AP3D1: variants seen among roughly 807,000 people sequenced by gnomAD.
The protein encoded by AP3D1 is AP-3 complex subunit delta-1.
In AP3D1, 51 loss-of-function variants were observed where a neutral mutation model predicts 147.6. That is an observed-to-expected ratio of 0.35 (90% CI 0.28 to 0.44). The LOEUF is 0.44. Ranked by LOEUF, AP3D1 falls within the 20% of genes least tolerant of loss-of-function variation. The probability of loss-of-function intolerance (pLI) is 1.00; values close to 1 mark genes in which losing one functional copy is unlikely to be tolerated. For synonymous variants in AP3D1, 760 were observed against 663.0 expected, an observed-to-expected ratio of 1.15 and a Z score of -2.25; for missense variants, 1,421 against 1,624.2, an observed-to-expected ratio of 0.87 and a Z score of 2.15.
Position 2,110,763 on chromosome 19 carries a change from C to A in AP3D1, c.3119G>T (p.Arg1040Leu). The A allele has an allele frequency of 2.5e-6, 4 of 1,612,118 alleles. No individual in the cohort carries two copies. Among genetic ancestry groups the A allele is most frequent in the Non-Finnish European group, 3.4e-6 (4 of 1,179,744 alleles). Residue 1040 changes from arginine (R) to leucine (L), a missense_variant, in exon 27 of 32, where the codon CGG (arginine) becomes CTG (leucine). Physicochemically the swap from Arg to Leu is moderately radical, Grantham distance 102 (BLOSUM62 -2). Transcript: ENST00000643116. Reference protein sequence around the residue: ...VLDSLNARMARPQGSSVHDGV... With the variant: ...VLDSLNARMALPQGSSVHDGV... ...ATCGTGGACGGAGGAGCCCTGCGGCCGGGCCATCCTGGCATTGAGTGAGTC... is the reference window on the plus strand; with the variant it reads ...ATCGTGGACGGAGGAGCCCTGCGGCAGGGCCATCCTGGCATTGAGTGAGTC...
intron 4 of AP3D1, among the ~76,000 whole-genome samples, chr19:2,135,341 G>C (rs1021679546): frequency 6.6e-6 from 1 of 152,142 alleles, no homozygotes; most frequent in African/African-American, 2.4e-5. Context: ...TTCAAGACCA[G>C]CCTGGCCAAC....
At chr19:2,123,483 A>G (rs377412052) in intron 10 of AP3D1, 77 bp from the exon 11 acceptor site, 13 of 1,496,776 alleles carry the variant, frequency 8.7e-6, no homozygotes, top group Admixed American at 5.4e-5. Flanking sequence ...TCCAGATTCA[A>G]CCTCAACCTG....
intron 25 of AP3D1, 172 bp from the exon 26 acceptor site, chr19:2,111,504 C>G (rs1329076353): frequency 8.3e-7 from 1 of 1,202,718 alleles, no homozygotes; most frequent in East Asian, 2.6e-5. Context: ...CACAGCCCAC[C>G]ACGGGGGTGC....
chr19:2,124,442 TCA>T (rs2018696022), intron 9 of AP3D1, among the ~76,000 whole-genome samples: 1 of 152,042 alleles, frequency 6.6e-6, no homozygotes. Flanking sequence ...AAGCCGACCC[TCA>T]GAGCCCCAGC....
chr19:2,122,186 G>T (rs2145073372), intron 11 of AP3D1, among the ~76,000 whole-genome samples: 1 of 148,756 alleles, frequency 6.7e-6, no homozygotes, highest in African/African-American at 2.5e-5. Context: ...CCAGTGCAGG[G>T]AAGAACGCAG....
intron 24 of AP3D1, 147 bp from the exon 25 acceptor site, chr19:2,111,975 T>C: frequency 7.6e-7 from 1 of 1,315,332 alleles, no homozygotes; most frequent in Non-Finnish European, 1.0e-6. Context: ...GCCTCAGGCC[T>C]ACCGGGACAA....
chr19:2,132,825 C>A (rs532270902), intron 4 of AP3D1, among the ~76,000 whole-genome samples: 3 of 152,306 alleles, frequency 2.0e-5, no homozygotes, highest in South Asian at 2.1e-4. Context: ...ATGGGCGCGG[C>A]TGGGAACAGT....
chr19:2,122,669 G>A (rs566831588), intron 11 of AP3D1, among the ~76,000 whole-genome samples: 26 of 152,352 alleles, frequency 1.7e-4, no homozygotes, highest in African/African-American at 5.1e-4. Context: ...ACACGGTCAC[G>A]AAAGGTATGT....
intron 5 of AP3D1, among the ~76,000 whole-genome samples, chr19:2,130,873 G>A (rs895840695): frequency 1.2e-4 from 18 of 152,236 alleles, no homozygotes; most frequent in African/African-American, 4.3e-4. Context: ...GCTCCTCACG[G>A]CTGTGCCCTG....
rs573913263 is a variant in AP3D1, at chr19:2,115,781, C to T, written c.2074-168G>A. Among the ~76,000 whole-genome samples, 100 of 152,376 alleles carry T rather than the reference C, an allele frequency of 6.6e-4. 1 individual carries two copies. Among genetic ancestry groups the T allele is most frequent in the Middle Eastern group, 3.4e-3 (1 of 294 alleles). ...GCCGTGAGCGAGCGCATCCCGAGGA[C>T]CCGACTCTTTAAGACAGTGAGGACT... On this transcript the variant is annotated intron_variant, in intron 18 of 31. Coordinates refer to ENST00000643116, the MANE Select transcript of AP3D1 (RefSeq NM_001261826.3).
intron 18 of AP3D1, 62 bp downstream of exon 18, chr19:2,116,145 G>A (rs894062864): frequency 5.1e-5 from 78 of 1,533,100 alleles, no homozygotes; most frequent in Admixed American, 3.7e-4. Context: ...GATGGATGCC[G>A]CGGGGCTCGG....
chr19:2,115,782 C>T (rs1253168987), intron 18 of AP3D1, among the ~76,000 whole-genome samples, 169 bp from the exon 19 acceptor site: 1 of 152,258 alleles, frequency 6.6e-6, no homozygotes, highest in Non-Finnish European at 1.5e-5. Context: ...TCCCGAGGAC[C>T]CGACTCTTTA....
At chr19:2,108,157 C>T (rs2018164006) in intron 31 of AP3D1, among the ~76,000 whole-genome samples, 1 of 152,194 alleles carries the variant, frequency 6.6e-6, no homozygotes, top group South Asian at 2.1e-4. Context: ...TCTGATGAAG[C>T]CACTGGATGA....
At position 2,137,943 on chromosome 19, in the gene AP3D1, G is replaced by A. The variant is rs188709182; in HGVS notation, c.193-136C>T. 1.5e-3 allele frequency: 861 copies of A among 577,538 alleles called. 4 individuals are homozygous for A. Among genetic ancestry groups the A allele is most frequent in the Non-Finnish European group, 2.1e-3 (665 of 322,486 alleles). 35.8% of individuals were successfully genotyped at this position (577,538 alleles called of 1,614,324 possible). Reference sequence around the variant, plus strand: ...TCACTGTCAGCAAACCACCCAATACGTACCCCTGGGGCCTTTAATTTCTTC... The same window carrying A: ...TCACTGTCAGCAAACCACCCAATACATACCCCTGGGGCCTTTAATTTCTTC... On this transcript the variant is annotated intron_variant, in intron 2 of 31. Transcript: ENST00000643116.
intron 26 of AP3D1, 55 bp from the exon 27 acceptor site, chr19:2,110,951 C>T: frequency 2.6e-6 from 4 of 1,564,098 alleles, no homozygotes; most frequent in South Asian, 1.2e-5. Flanking sequence ...AGGGAACAGG[C>T]ACAGCCACCT....
At position 2,110,687 on chromosome 19, in the gene AP3D1, G is replaced by GT. The variant is rs2018246796; in HGVS notation, c.3175+19dup. ...GCTCCCACAGTCCCCAGGAGAGGCC[G>GT]TGAGTGGGGCAGGGCTCACCTGGGG... is the stretch of plus-strand genomic sequence containing the variant. On this transcript the variant is annotated intron_variant, in intron 27 of 31. Coordinates refer to ENST00000643116, the MANE Select transcript of AP3D1 (RefSeq NM_001261826.3). 5 of 1,569,834 alleles carry GT rather than the reference G, an allele frequency of 3.2e-6. No individual in the cohort carries two copies. In the South Asian group the frequency reaches 3.5e-5, roughly 11 times the overall value.
At chr19:2,142,939 T>G (rs1258530588) in intron 1 of AP3D1, among the ~76,000 whole-genome samples, 1 of 151,758 alleles carries the variant, frequency 6.6e-6, no homozygotes, top group East Asian at 1.9e-4. Flanking sequence ...TAATTTTATA[T>G]TTTTAGTAGA....
At chr19:2,148,027 C>T (rs536236254) in intron 1 of AP3D1, among the ~76,000 whole-genome samples, 7 of 150,916 alleles carry the variant, frequency 4.6e-5, no homozygotes, top group Admixed American at 6.6e-5. Context: ...AAAAATTAGA[C>T]GGGCGTGGTG....
At chr19:2,136,839 G>GC (rs2019089203) in intron 4 of AP3D1, among the ~76,000 whole-genome samples, 172 bp downstream of exon 4, 2 of 152,160 alleles carry the variant, frequency 1.3e-5, no homozygotes, top group South Asian at 4.1e-4. Flanking sequence ...GCTCAGACCC[G>GC]CCGGGCCTCC....
Sources: allele counts gnomAD v4.1 joint callset (sites outside exome capture counted in the v4.1 genomes callset), GRCh38; gene constraint gnomAD v4.1.1; transcripts MANE v1.5; gene names NCBI Gene and HGNC (gene_info 2026-07-23, HGNC 2026-07-21).